The following NRXN1 variants were observed in gnomAD, a reference collection of about 807,000 sequenced individuals.
The protein encoded by NRXN1 is neurexin-1.
A neutral mutation model predicts 150.9 loss-of-function variants in NRXN1; 39 were observed. That is an observed-to-expected ratio of 0.26 (90% CI 0.20 to 0.34). The LOEUF (loss-of-function observed/expected upper bound fraction) is 0.34. NRXN1 is among the 10% of genes least tolerant of loss of function. The pLI, the probability that NRXN1 is intolerant of heterozygous loss-of-function variation, is 1.00. For missense variants in NRXN1, 1,815 were observed against 1,949.9 expected, an observed-to-expected ratio of 0.93 and a Z score of 1.30; for synonymous variants, 924 against 757.0, an observed-to-expected ratio of 1.22 and a Z score of -3.62.
At chr2:50,751,894 T>C (rs1002950920) in intron 5 of NRXN1, among the ~76,000 whole-genome samples, 1 of 151,972 alleles carries the variant, frequency 6.6e-6, no homozygotes, top group Non-Finnish European at 1.5e-5. Context: ...GAAAACTATT[T>C]GAGGGTTGAA....
At chr2:50,727,527 A>T (rs1377488148) in intron 5 of NRXN1, among the ~76,000 whole-genome samples, 2 of 152,122 alleles carry the variant, frequency 1.3e-5, no homozygotes, top group African/African-American at 4.8e-5. Context: ...AACTATCAAA[A>T]AATAGATCAT....
intron 2 of NRXN1, among the ~76,000 whole-genome samples, chr2:50,936,203 T>C (rs1239511469): frequency 3.3e-5 from 5 of 152,336 alleles, no homozygotes; most frequent in Admixed American, 1.3e-4. Context: ...ATCAGCACCA[T>C]GCTCTAACCA....
intron 17 of NRXN1, among the ~76,000 whole-genome samples, chr2:50,244,363 T>C (rs1574703009): frequency 6.6e-6 from 1 of 151,892 alleles, no homozygotes; most frequent in African/African-American, 2.4e-5. Flanking sequence ...GCACCATTCA[T>C]ATAGAATGAG....
chr2:50,473,322 T>A (rs891945242), intron 15 of NRXN1, among the ~76,000 whole-genome samples: 1 of 151,896 alleles, frequency 6.6e-6, no homozygotes, highest in Non-Finnish European at 1.5e-5. Flanking sequence ...TTTTTCTCTC[T>A]AGGTTTGAGA....
chr2:50,558,593 T>C (rs1668582024), intron 8 of NRXN1, among the ~76,000 whole-genome samples: 1 of 152,222 alleles, frequency 6.6e-6, no homozygotes, highest in South Asian at 2.1e-4. Context: ...AGAGGGCCTA[T>C]TTCTGTTTCC....
At chr2:50,783,943 C>T (rs1476191570) in intron 5 of NRXN1, among the ~76,000 whole-genome samples, 1 of 152,076 alleles carries the variant, frequency 6.6e-6, no homozygotes, top group East Asian at 1.9e-4. Context: ...TTAAAGAATA[C>T]CTTCCACTTT....
chr2:49,955,767 T>C (rs886166606), intron 21 of NRXN1, among the ~76,000 whole-genome samples: 2 of 152,100 alleles, frequency 1.3e-5, no homozygotes, highest in Non-Finnish European at 2.9e-5. Context: ...AACTACAGGA[T>C]GAAAGCTTTA....
chr2:51,024,287 T>C (rs939435552), intron 2 of NRXN1, among the ~76,000 whole-genome samples: 4 of 152,220 alleles, frequency 2.6e-5, no homozygotes, highest in Non-Finnish European at 5.9e-5. Context: ...AGTTGAGTTC[T>C]GAGGCTGACG....
Position 50,522,720 on chromosome 2 carries a change from ATTTTTTTTTTTT to A in NRXN1, c.2374+5893_2374+5904del, listed in dbSNP as rs869200431. On this transcript the variant is annotated intron_variant, in intron 12 of 22. Coordinates refer to ENST00000401669, the MANE Select transcript of NRXN1 (RefSeq NM_001330078.2). Reference sequence around the variant, plus strand: ...TCCATTTATTCATTTATTTTTATTCATTTTTTTTTTTTTTTTTTTTTTTTTTTTTTGAGAGGA... The same window carrying A: ...TCCATTTATTCATTTATTTTTATTCATTTTTTTTTTTTTTTTTTGAGAGGA... Among the ~76,000 whole-genome samples the A allele has an allele frequency of 8.4e-5, 4 of 47,760 alleles. No individual in the cohort carries two copies. The Admixed American group carries it at 1.4e-3, about 16-fold the overall frequency. 31.3% of individuals were successfully genotyped at this position (47,760 alleles called of 152,430 possible). A position where few individuals can be genotyped will look rare whatever the true frequency, so the allele number is the denominator to read the frequency against.
intron 12 of NRXN1, among the ~76,000 whole-genome samples, chr2:50,507,290 A>C (rs535595046): frequency 9.5e-4 from 145 of 152,258 alleles, no homozygotes; most frequent in African/African-American, 3.4e-3. Flanking sequence ...GTACGTCACA[A>C]ATCTGTCTGT....
At chr2:50,363,172 T>C (rs2153011644) in intron 17 of NRXN1, among the ~76,000 whole-genome samples, 1 of 152,216 alleles carries the variant, frequency 6.6e-6, no homozygotes, top group South Asian at 2.1e-4. Context: ...ATTCAAAACA[T>C]AGGCATGGAC....
chr2:50,623,813 T>G (rs149044987), intron 5 of NRXN1, among the ~76,000 whole-genome samples, 198 bp from the exon 6 acceptor site: 16 of 152,180 alleles, frequency 1.1e-4, no homozygotes, highest in African/African-American at 3.9e-4. Flanking sequence ...TACTTTAAGT[T>G]TTAGGGTACA....
At chr2:50,742,373 T>C (rs1011982186) in intron 5 of NRXN1, among the ~76,000 whole-genome samples, 2 of 151,672 alleles carry the variant, frequency 1.3e-5, no homozygotes, top group Non-Finnish European at 2.9e-5. Context: ...GAAACCCAAG[T>C]TTGGCACTTT....
rs373467652 is a variant in NRXN1 at position 50,556,417 on chromosome 2, A to G, written c.1321-3392T>C. Reference sequence around the variant, plus strand: ...ATGTTTCACTTTTGAACAAGTTTCTATATGCTTTATCATCATAACAATTGA... The same window carrying G: ...ATGTTTCACTTTTGAACAAGTTTCTGTATGCTTTATCATCATAACAATTGA... On this transcript the variant is annotated intron_variant, in intron 8 of 22. Coordinates refer to ENST00000401669, the MANE Select transcript of NRXN1 (RefSeq NM_001330078.2). 7.9e-5 allele frequency among the ~76,000 whole-genome samples: 12 copies of G among 151,704 alleles called. No individual in the cohort carries two copies. In the South Asian group the frequency reaches 1.7e-3, roughly 21 times the overall value.
At chr2:50,962,874 A>C (rs1295133232) in intron 2 of NRXN1, among the ~76,000 whole-genome samples, 2 of 151,688 alleles carry the variant, frequency 1.3e-5, no homozygotes, top group African/African-American at 2.4e-5. Context: ...GCAAGTACTG[A>C]ATATGTTCCA....
chr2:50,522,186 G>A (rs2092807462), intron 12 of NRXN1, among the ~76,000 whole-genome samples: 1 of 152,108 alleles, frequency 6.6e-6, no homozygotes, highest in African/African-American at 2.4e-5. Context: ...TGGCCAACAT[G>A]CTGTGTTCTC....
At chr2:50,808,852 G>A (rs1021394753) in intron 5 of NRXN1, among the ~76,000 whole-genome samples, 7 of 152,044 alleles carry the variant, frequency 4.6e-5, no homozygotes, top group African/African-American at 1.7e-4. Context: ...ACCATAACAA[G>A]CTTTAAGGAC....
intron 5 of NRXN1, among the ~76,000 whole-genome samples, chr2:50,888,084 T>C (rs1020118543): frequency 6.6e-6 from 1 of 151,522 alleles, no homozygotes. Context: ...TGTCTTAATC[T>C]TTCAAGATCA....
intron 8 of NRXN1, among the ~76,000 whole-genome samples, chr2:50,591,319 T>G (rs1028363198): frequency 6.6e-6 from 1 of 151,752 alleles, no homozygotes; most frequent in Admixed American, 6.6e-5. Context: ...ATAAAGACTC[T>G]GAAGCTGACT....
Sources: gnomAD v4.1 joint callset for allele counts (sites outside exome capture counted in the v4.1 genomes callset) on GRCh38, gnomAD v4.1.1 for gene constraint, MANE v1.5 for transcripts, NCBI Gene and HGNC (gene_info 2026-07-23, HGNC 2026-07-21) for gene names.